DIXDC1: variants seen among roughly 807,000 people sequenced by gnomAD.
DIXDC1 encodes the protein DIX domain containing 1.
Under a neutral mutation model 103.1 loss-of-function variants are expected in DIXDC1, and 64 were observed. That is an observed-to-expected ratio of 0.62 (90% CI 0.51 to 0.76). The LOEUF (loss-of-function observed/expected upper bound fraction) is 0.76. DIXDC1 is among the 30% of genes least tolerant of loss of function. The pLI is 0.00. For missense variants in DIXDC1, 759 were observed against 834.2 expected (o/e 0.91, Z 1.11); for synonymous variants, 266 against 298.5 (o/e 0.89, Z 1.12).
chr11:111,977,794 G>A lies in DIXDC1; in HGVS notation c.656+2811G>A, dbSNP rs1555172809. Reference sequence around the variant, plus strand: ...ACCATGGGAGGGACGCAAGTCAAATGGTGAGCTGAAGCCACTCTGGCTTTG... The same window carrying A: ...ACCATGGGAGGGACGCAAGTCAAATAGTGAGCTGAAGCCACTCTGGCTTTG... On this transcript the variant is annotated intron_variant, in intron 5 of 19. Coordinates refer to ENST00000440460, the MANE Select transcript of DIXDC1 (RefSeq NM_001037954.4). This position sits in a 1 kb window ranked among gnomAD's most constrained non-coding sequence, Gnocchi z 6.1. 3 of 1,565,616 alleles carry A rather than the reference G, an allele frequency of 1.9e-6. No individual in the cohort carries two copies. The highest frequency in any genetic ancestry group is 2.6e-6 in the Non-Finnish European group (3 of 1,155,562).
intron 17 of DIXDC1, among the ~76,000 whole-genome samples, chr11:112,013,328 G>GGC (rs1253726760): frequency 8.8e-6 from 1 of 114,004 alleles, no homozygotes; most frequent in African/African-American, 3.8e-5. Flanking sequence ...GGGTGGGGGT[G>GGC]GGGTGGGGGG....
chr11:112,004,836 A>T (rs1198040377), intron 17 of DIXDC1, among the ~76,000 whole-genome samples: 2 of 152,232 alleles, frequency 1.3e-5, no homozygotes, highest in African/African-American at 4.8e-5. Flanking sequence ...ATCCCAGCTC[A>T]GCTTCTGACC....
chr11:111,995,542 C>T lies in DIXDC1; in HGVS notation c.1667C>T (p.Thr556Met), dbSNP rs781796276. 138 of 1,613,752 alleles carry T rather than the reference C, an allele frequency of 8.6e-5. No individual in the cohort carries two copies. In the Admixed American group the frequency reaches 1.5e-3, roughly 17 times the overall value. Residue 556 changes from threonine (T) to methionine (M), a missense_variant, in exon 16 of 20, where the codon ACG (threonine) becomes ATG (methionine). Thr to Met is a moderately conservative substitution (Grantham distance 81). This residue lies in a region of DIXDC1 where 657 missense variants were observed against 727.5 expected (regional missense o/e 0.90). Coordinates refer to ENST00000440460, the MANE Select transcript of DIXDC1 (RefSeq NM_001037954.4). ...ATGGAGCGCCTGCATGTTATGGAGA[C>T]GCAGAAGAAACAAGAAAGAAAGGTA... Reference protein sequence around the residue: ...SLMERLHVMETQKKQERKVRV... With the variant: ...SLMERLHVMEMQKKQERKVRV...
Position 111,964,647 on chromosome 11 carries a change from G to A in DIXDC1, c.159G>A (p.Gly53=), listed in dbSNP as rs587595153. The change falls in exon 2 of 20, where the codon GGG becomes GGA. Residue 53 remains glycine (G), a synonymous_variant. Transcript: ENST00000440460. ...VQDLRQDLRD[G]VILAYLIEIV... ...ACCTGCGACAAGATCTCCGGGATGGGGTGATCCTGGCATATCTCATCGAGA... is the reference window on the plus strand; with the variant it reads ...ACCTGCGACAAGATCTCCGGGATGGAGTGATCCTGGCATATCTCATCGAGA... 3.1e-6 allele frequency: 5 copies of A among 1,612,074 alleles called. No individual in the cohort carries two copies. The highest frequency in any genetic ancestry group is 4.2e-6 in the Non-Finnish European group (5 of 1,179,216).
intron 1 of DIXDC1, among the ~76,000 whole-genome samples, chr11:111,961,413 C>A (rs1278670386): frequency 6.6e-6 from 1 of 152,190 alleles, no homozygotes; most frequent in Non-Finnish European, 1.5e-5. Context: ...CAAGTTATTT[C>A]ACCGTTTTGT....
chr11:111,960,717 T>C (rs1555171016), intron 1 of DIXDC1, among the ~76,000 whole-genome samples: 1 of 152,190 alleles, frequency 6.6e-6, no homozygotes, highest in East Asian at 1.9e-4. Flanking sequence ...AATACTGATA[T>C]ACCTTGGTCC....
intron 17 of DIXDC1, among the ~76,000 whole-genome samples, chr11:112,000,380 G>A (rs1242072425): frequency 6.6e-6 from 1 of 151,986 alleles, no homozygotes; most frequent in Non-Finnish European, 1.5e-5. Context: ...CAAAATACTT[G>A]AATAGACATT....
At chr11:112,004,100 G>A (rs1171861746) in intron 17 of DIXDC1, among the ~76,000 whole-genome samples, 2 of 143,924 alleles carry the variant, frequency 1.4e-5, no homozygotes, top group African/African-American at 5.4e-5. Context: ...GTATATATAT[G>A]TGTGTGTATA....
upstream of DIXDC1, among the ~76,000 whole-genome samples, chr11:111,934,357 G>A (rs1966129597): frequency 6.6e-6 from 1 of 152,214 alleles, no homozygotes; most frequent in South Asian, 2.1e-4. Context: ...TCAAAATAAT[G>A]CAGGACTGAG....
intron 14 of DIXDC1, among the ~76,000 whole-genome samples, chr11:111,994,170 TG>T (rs1307567997): frequency 3.3e-5 from 5 of 152,108 alleles, no homozygotes; most frequent in African/African-American, 9.7e-5. Flanking sequence ...GTGGCTAACT[TG>T]AGGTCAGGAG....
upstream of DIXDC1, among the ~76,000 whole-genome samples, chr11:111,936,570 G>A (rs140919391): frequency 6.6e-6 from 1 of 152,182 alleles, no homozygotes; most frequent in African/African-American, 2.4e-5. Context: ...TGATGTTTCT[G>A]TTGCGATCCT....
chr11:111,952,523 C>G (rs1043354715), intron 1 of DIXDC1, among the ~76,000 whole-genome samples: 3 of 151,792 alleles, frequency 2.0e-5, no homozygotes, highest in Non-Finnish European at 4.4e-5. Flanking sequence ...CCTGTCTCTA[C>G]AAAAAAATCC....
At position 111,995,482 on chromosome 11, in the gene DIXDC1, C is replaced by G. The variant is rs782618482; in HGVS notation, c.1607C>G (p.Thr536Ser). The G allele has an allele frequency of 4.3e-6, 7 of 1,613,886 alleles. No homozygotes were observed. In the South Asian group the frequency reaches 6.6e-5, roughly 15 times the overall value. The change falls in exon 16 of 20, where the codon ACT becomes AGT. Residue 536 changes from threonine (T) to serine (S), a missense_variant. Around this residue, in one of 3 missense-constraint regions of DIXDC1, gnomAD observed 657 missense variants for 727.5 expected, o/e 0.90. Coordinates refer to ENST00000440460, the MANE Select transcript of DIXDC1 (RefSeq NM_001037954.4). ...SFSGHDPQHH[T>S]IDSLEQGISS... ...AGTGGCCACGATCCTCAGCACCACA[C>G]TATTGACAGCTTGGAGCAGGGCATT...
chr11:111,945,756 C>T (rs1290419442), intron 1 of DIXDC1: 3 of 129,662 alleles, frequency 2.3e-5, no homozygotes, highest in Non-Finnish European at 4.8e-5. Flanking sequence ...CATAGAACAA[C>T]CACAGGCCTT....
In DIXDC1 at chr11:111,964,683, G is replaced by GT. The variant is rs1566495666; in HGVS notation, c.190+7dup. ...CATATCTCATCGAGATTGTTGGTCA[G>GT]TTGGCCCTGGACTCTGATACTAGAG... is the stretch of plus-strand genomic sequence containing the variant. On this transcript the variant is annotated splice_donor_region_variant and intron_variant, in intron 2 of 19. Transcript: ENST00000440460. 3 of 1,600,362 alleles carry GT rather than the reference G, an allele frequency of 1.9e-6. No homozygotes were observed. The highest frequency in any genetic ancestry group is 1.3e-5 in the African/African-American group (1 of 74,474).
intron 4 of DIXDC1, 147 bp from the exon 5 acceptor site, chr11:111,974,729 T>A: frequency 1.4e-6 from 2 of 1,420,884 alleles, no homozygotes. Context: ...CTGCCTTCCC[T>A]GCTAGGTACC....
chr11:111,948,251 C>T (rs1830835167), intron 1 of DIXDC1, among the ~76,000 whole-genome samples: 1 of 152,204 alleles, frequency 6.6e-6, no homozygotes, highest in African/African-American at 2.4e-5. Context: ...CTCTGAAACT[C>T]TACTCTGCTC....
intron 14 of DIXDC1, 22 bp downstream of exon 14, chr11:111,993,762 C>G: frequency 6.2e-7 from 1 of 1,612,334 alleles, no homozygotes; most frequent in Non-Finnish European, 8.5e-7. Flanking sequence ...CCCGTGTTCT[C>G]CCTCCCACAT....
In DIXDC1 at chr11:111,977,721, C is replaced by A; in HGVS notation, c.656+2738C>A. 1 of 1,551,550 alleles carries A rather than the reference C, an allele frequency of 6.4e-7. No homozygotes were observed. ...GGGAGCGATGTGACTCTCAGCCTCCCACTTCACCCGGGGACGCAGGCTTGC... is the reference window on the plus strand; with the variant it reads ...GGGAGCGATGTGACTCTCAGCCTCCAACTTCACCCGGGGACGCAGGCTTGC... On this transcript the variant is annotated intron_variant, in intron 5 of 19. Coordinates refer to ENST00000440460, the MANE Select transcript of DIXDC1 (RefSeq NM_001037954.4). This position sits in a 1 kb window ranked among gnomAD's most constrained non-coding sequence, Gnocchi z 6.1.
Sources: allele counts gnomAD v4.1 joint callset (sites outside exome capture counted in the v4.1 genomes callset), GRCh38; gene constraint gnomAD v4.1.1; regional missense constraint gnomAD v4.1.1; non-coding constraint Gnocchi (gnomAD v3.1); transcripts MANE v1.5; gene names NCBI Gene and HGNC (gene_info 2026-07-23, HGNC 2026-07-21).